The following ABCA3 variants were observed in gnomAD, a reference collection of about 807,000 sequenced individuals.
ABCA3 encodes phospholipid-transporting ATPase ABCA3.
A neutral mutation model predicts 172.8 loss-of-function variants in ABCA3; 88 were observed. The observed-to-expected ratio is 0.51, with a 90% CI of 0.43 to 0.61. The LOEUF (loss-of-function observed/expected upper bound fraction) is 0.61, where lower values mean the gene tolerates loss of function less well. ABCA3 is among the 20% of genes least tolerant of loss of function. ABCA3 has a pLI of 0.00. For synonymous variants in ABCA3, 1,066 were observed against 983.8 expected (o/e 1.08, Z -1.56); for missense variants, 2,164 against 2,301.0 (o/e 0.94, Z 1.22).
intron 9 of ABCA3, 113 bp from the exon 10 acceptor site, chr16:2,317,516 G>A: frequency 1.4e-5 from 22 of 1,577,762 alleles, no homozygotes; most frequent in Non-Finnish European, 1.9e-5. Flanking sequence ...GTGGGACATT[G>A]ACAGCTCCTC....
At chr16:2,317,877 C>A in intron 8 of ABCA3, 113 bp from the exon 9 acceptor site, 1 of 923,022 alleles carries the variant, frequency 1.1e-6, no homozygotes, top group Admixed American at 1.8e-5. Flanking sequence ...GCCCTGCATT[C>A]GACAGGGTCT....
At chr16:2,301,199 C>T (rs1260003088) in intron 12 of ABCA3, among the ~76,000 whole-genome samples, 2 of 151,048 alleles carry the variant, frequency 1.3e-5, no homozygotes, top group African/African-American at 4.9e-5. Context: ...CCACTGTACT[C>T]CAGCCTGGGC....
At position 2,285,253 on chromosome 16, in the gene ABCA3, G is replaced by T. The variant is rs139707078; in HGVS notation, c.3483+189C>A. ...CTGCTCCGGGTGCTGCCCATGCATGGAGGGTAAAGGCTGAGGGTGCAGGGA... is the reference window on the plus strand; with the variant it reads ...CTGCTCCGGGTGCTGCCCATGCATGTAGGGTAAAGGCTGAGGGTGCAGGGA... On this transcript the variant is annotated intron_variant, in intron 23 of 32. Transcript: ENST00000301732. This position sits in a 1 kb window ranked among gnomAD's most constrained non-coding sequence, Gnocchi z 4.7. Among the ~76,000 whole-genome samples the T allele has an allele frequency of 4.7e-3, 712 of 152,322 alleles. 1 individual carries two copies. Among genetic ancestry groups the T allele is most frequent in the African/African-American group, 0.016 (677 of 41,574 alleles).
intron 11 of ABCA3, among the ~76,000 whole-genome samples, chr16:2,306,999 A>T (rs1455329967): frequency 1.4e-4 from 18 of 132,682 alleles, no homozygotes; most frequent in African/African-American, 4.7e-4. Flanking sequence ...TGGGTGAAAG[A>T]GTGAGAGACT....
At chr16:2,291,623 G>A (rs1289634785) in intron 19 of ABCA3, among the ~76,000 whole-genome samples, 1 of 152,204 alleles carries the variant, frequency 6.6e-6, no homozygotes, top group Non-Finnish European at 1.5e-5. Context: ...CCCCTCACGT[G>A]TGCCGCCGTT....
In ABCA3 at chr16:2,332,357, T is replaced by C. The variant is rs2093744663; in HGVS notation, c.-538-2503A>G. On this transcript the variant is annotated intron_variant, in intron 1 of 32. Coordinates refer to ENST00000301732, the MANE Select transcript of ABCA3 (RefSeq NM_001089.3). Reference sequence around the variant, plus strand: ...TAGCGAGCACAGGCACCAGGGCTTCTAAACTTTTTGGACTCGCAGGGACGG... The same window carrying C: ...TAGCGAGCACAGGCACCAGGGCTTCCAAACTTTTTGGACTCGCAGGGACGG... 2.5e-5 allele frequency: 20 copies of C among 809,616 alleles called. No individual in the cohort carries two copies. The South Asian group carries it at 2.8e-4, about 11-fold the overall frequency. The allele number at this position is 809,616 out of a possible 1,614,324, so 50.2% of individuals were successfully genotyped here.
At chr16:2,336,676 G>A (rs2093752335) in intron 1 of ABCA3, among the ~76,000 whole-genome samples, 1 of 141,586 alleles carries the variant, frequency 7.1e-6, no homozygotes, top group Non-Finnish European at 1.5e-5. Context: ...CTGACCTCAA[G>A]CAATCCACCC....
At chr16:2,304,801 G>A (rs1439966478) in intron 11 of ABCA3, among the ~76,000 whole-genome samples, 1 of 151,440 alleles carries the variant, frequency 6.6e-6, no homozygotes, top group Non-Finnish European at 1.5e-5. Context: ...TCAGCCTCCT[G>A]AGTAGCTGGG....
Position 2,276,085 on chromosome 16 carries a change from C to T in ABCA3, c.*589G>A. Reference sequence around the variant, plus strand: ...TCTAGGAGATGCTGTGGGACGGTGCCCGGCTTCGCGGTGACTACCATGCCC... The same window carrying T: ...TCTAGGAGATGCTGTGGGACGGTGCTCGGCTTCGCGGTGACTACCATGCCC... On this transcript the variant is annotated 3_prime_UTR_variant, in exon 33 of 33. Transcript: ENST00000301732. The T allele has an allele frequency of 3.3e-6, 1 of 306,478 alleles. No homozygotes were observed. The highest frequency in any genetic ancestry group is 2.5e-5 in the South Asian group (1 of 39,456). The allele number at this position is 306,478 out of a possible 1,614,324, so 19.0% of individuals were successfully genotyped here. A position where few individuals can be genotyped will look rare whatever the true frequency, so the allele number is the denominator to read the frequency against.
At position 2,283,715 on chromosome 16, in the gene ABCA3, G is replaced by GGACCT. The variant is rs1289681974; in HGVS notation, c.3863-358_3863-357insAGGTC. Reference sequence around the variant, plus strand: ...GAGGCTGAGGAGGCCCCACAGGACAGGTCCAAGTTCTGTCCCCCTGGACCT... The same window carrying GGACCT: ...GAGGCTGAGGAGGCCCCACAGGACAGGACCTGTCCAAGTTCTGTCCCCCTGGACCT... On this transcript the variant is annotated intron_variant, in intron 25 of 32. Coordinates refer to ENST00000301732, the MANE Select transcript of ABCA3 (RefSeq NM_001089.3). This position sits in a 1 kb window ranked among gnomAD's most constrained non-coding sequence, Gnocchi z 5.4. 3.1e-6 allele frequency: 1 copy of GGACCT among 325,902 alleles called. No homozygotes were observed. Among genetic ancestry groups the GGACCT allele is most frequent in the African/African-American group, 2.1e-5 (1 of 47,326 alleles). The allele number at this position is 325,902 out of a possible 1,614,324, so 20.2% of individuals were successfully genotyped here.
intron 12 of ABCA3, among the ~76,000 whole-genome samples, chr16:2,303,095 G>A (rs1425311923): frequency 6.6e-6 from 1 of 151,828 alleles, no homozygotes; most frequent in African/African-American, 2.4e-5. Context: ...CACCACACCC[G>A]GCCTCCAATC....
chr16:2,323,543 G>A lies in ABCA3; in HGVS notation c.593C>T (p.Ser198Phe). 1 of 1,614,194 alleles carries A rather than the reference G, an allele frequency of 6.2e-7. No homozygotes were observed. The highest frequency in any genetic ancestry group is 8.5e-7 in the Non-Finnish European group (1 of 1,180,024). ...CTCACCAGGTTCTCCGCCATCAGGG[G>A]ATGTAGGTTCCCTTGGTCCTGGGTT... ...FPNPGPREPT[S>F]PDGGEPGYIR... Residue 198 changes from serine to phenylalanine, a missense_variant, in exon 7 of 33, where the codon TCC becomes TTC. Ser to Phe is a radical substitution (Grantham distance 155). Transcript: ENST00000301732.
rs371097090 is a variant in ABCA3 at position 2,297,566 on chromosome 16, C to T, written c.2053-27G>A. On this transcript the variant is annotated intron_variant, in intron 16 of 32. Transcript: ENST00000301732. The surrounding 1 kb of genome is among the most constrained non-coding windows in gnomAD (Gnocchi z 5.6). Reference sequence around the variant, plus strand: ...TGGAGGGAGAGACACAGTCTCGCGACGCTGGTAGAGCCACACCCCGGGCCC... The same window carrying T: ...TGGAGGGAGAGACACAGTCTCGCGATGCTGGTAGAGCCACACCCCGGGCCC... 15 of 1,609,786 alleles carry T rather than the reference C, an allele frequency of 9.3e-6. No homozygotes were observed. Among genetic ancestry groups the T allele is most frequent in the African/African-American group, 5.3e-5 (4 of 74,854 alleles).
chr16:2,284,910 G>T lies in ABCA3; in HGVS notation c.3572C>A (p.Ala1191Asp). ...CATCAGGTACATGAGGGGGATGATGGCCCAGCCGTAGAGCAGGAGCAGCAG... is the reference window on the plus strand; with the variant it reads ...CATCAGGTACATGAGGGGGATGATGTCCCAGCCGTAGAGCAGGAGCAGCAG... ...TLLLLLLYGW[A>D]IIPLMYLMNF... Residue 1191 changes from alanine to aspartate, a missense_variant, in exon 24 of 33, where the codon GCC (alanine) becomes GAC (aspartate). Physicochemically the swap from Ala to Asp is moderately radical, Grantham distance 126 (BLOSUM62 -2). Coordinates refer to ENST00000301732, the MANE Select transcript of ABCA3 (RefSeq NM_001089.3). The surrounding 1 kb of genome is among the most constrained non-coding windows in gnomAD (Gnocchi z 5.9). 6.2e-7 allele frequency: 1 copy of T among 1,613,450 alleles called. No homozygotes were observed. The highest frequency in any genetic ancestry group is 1.1e-5 in the South Asian group (1 of 91,084).
chr16:2,337,213 C>G (rs2093753235), intron 1 of ABCA3, among the ~76,000 whole-genome samples: 2 of 151,922 alleles, frequency 1.3e-5, no homozygotes, highest in Non-Finnish European at 2.9e-5. Context: ...CCATGTCTGT[C>G]TGGCCTTCGT....
chr16:2,321,279 G>A (rs934406830), intron 7 of ABCA3, among the ~76,000 whole-genome samples: 10 of 152,152 alleles, frequency 6.6e-5, no homozygotes, highest in African/African-American at 2.2e-4. Flanking sequence ...CAAGGGCATC[G>A]CTCTGGGGCC....
chr16:2,339,764 C>T (rs2093757550), intron 1 of ABCA3, among the ~76,000 whole-genome samples: 1 of 152,250 alleles, frequency 6.6e-6, no homozygotes, highest in African/African-American at 2.4e-5. Context: ...CGGCAATTAC[C>T]CCCTGAGGAC....
chr16:2,303,325 G>C (rs574724899), intron 12 of ABCA3, among the ~76,000 whole-genome samples: 11 of 149,294 alleles, frequency 7.4e-5, no homozygotes, highest in African/African-American at 2.7e-4. Flanking sequence ...GCAATGGCGC[G>C]ATCTTGGCTC....
At chr16:2,339,922 C>G (rs1230871740) in intron 1 of ABCA3, among the ~76,000 whole-genome samples, 1 of 152,272 alleles carries the variant, frequency 6.6e-6, no homozygotes, top group Non-Finnish European at 1.5e-5. Context: ...CCGAGGGCGC[C>G]GAGAACGCGG....
Sources: allele counts gnomAD v4.1 joint callset (sites outside exome capture counted in the v4.1 genomes callset), GRCh38; gene constraint gnomAD v4.1.1; non-coding constraint Gnocchi (gnomAD v3.1); transcripts MANE v1.5; gene names NCBI Gene and HGNC (gene_info 2026-07-23, HGNC 2026-07-21).